The following GLMN variants were observed in gnomAD, a reference collection of about 807,000 sequenced individuals.
GLMN encodes the protein glomulin, FKBP associated protein.
In GLMN, 75 loss-of-function variants were observed where a neutral mutation model predicts 87.8. The observed-to-expected ratio is 0.85, with a 90% CI of 0.71 to 1.04. The LOEUF is 1.04. Among genes scored for constraint, GLMN ranks in the 50% least tolerant of loss-of-function variants. The pLI is 0.00. For missense variants in GLMN, 588 were observed against 658.8 expected, an observed-to-expected ratio of 0.89 and a Z score of 1.18; for synonymous variants, 206 against 221.6, an observed-to-expected ratio of 0.93 and a Z score of 0.63.
chr1:92,353,764 A>C, the GLMN span, among the ~76,000 whole-genome samples: 4 of 152,188 alleles, frequency 2.6e-5, no homozygotes, highest in African/African-American at 9.6e-5. Flanking sequence ...ATACGTTCCC[A>C]TACTTATTGC....
the GLMN span, among the ~76,000 whole-genome samples, chr1:92,350,623 A>C: frequency 2.6e-5 from 4 of 152,216 alleles, no homozygotes; most frequent in Non-Finnish European, 4.4e-5. Context: ...CTTTTAATAA[A>C]AATGTATATA....
At chr1:92,322,944 T>G in the GLMN span, among the ~76,000 whole-genome samples, 1 of 147,600 alleles carries the variant, frequency 6.8e-6, no homozygotes. Flanking sequence ...ACTTTATATA[T>G]TATATATAAT....
At chr1:92,344,041 C>T in the GLMN span, among the ~76,000 whole-genome samples, 1,090 of 152,232 alleles carry the variant, frequency 7.2e-3, 12 homozygotes, top group African/African-American at 0.025. Context: ...AGATGTGTAT[C>T]CTTCTAGTCT....
chr1:92,288,563 A>C (rs1649038163), intron 6 of GLMN, among the ~76,000 whole-genome samples: 1 of 152,018 alleles, frequency 6.6e-6, no homozygotes, highest in Non-Finnish European at 1.5e-5. Flanking sequence ...AAGCAGTAGC[A>C]CTACAGGTAT....
At chr1:92,303,095 A>T (rs909227001), upstream of GLMN, among the ~76,000 whole-genome samples, 4 of 152,152 alleles carry the variant, frequency 2.6e-5, no homozygotes, top group Non-Finnish European at 5.9e-5. Context: ...TTTGAATGGA[A>T]ATTTCTCTTT....
chr1:92,324,261 A>T, the GLMN span: 1 of 1,613,944 alleles, frequency 6.2e-7, no homozygotes, highest in East Asian at 2.2e-5. Flanking sequence ...AACCACTGCC[A>T]AGTTACGAGA....
chr1:92,290,208 T>C lies in GLMN; in HGVS notation c.384A>G (p.Pro128=), dbSNP rs1649243884. 2 of 1,581,330 alleles carry C rather than the reference T, an allele frequency of 1.3e-6. No individual in the cohort carries two copies. Among genetic ancestry groups the C allele is most frequent in the East Asian group, 2.2e-5 (1 of 44,630 alleles). The stretch of plus-strand genomic sequence containing the variant: ...CAAAATTCTCATTACCTGTTTGTAA[T>C]GGCTGAAGCAAAAGAAGAATACTTT... The part of the protein sequence containing the change: ...ISQSILLLLQ[P]LQTVIQKLHN... The change falls in exon 5 of 19, where the codon CCA becomes CCG. Residue 128 remains proline, a synonymous_variant. Coordinates refer to ENST00000370360, the MANE Select transcript of GLMN (RefSeq NM_053274.3).
the GLMN span, among the ~76,000 whole-genome samples, chr1:92,354,619 A>G: frequency 6.6e-6 from 1 of 152,230 alleles, no homozygotes; most frequent in South Asian, 2.1e-4. Context: ...TTAACAGGAC[A>G]TAAACCATCT....
intron 4 of GLMN, 75 bp from the exon 5 acceptor site, chr1:92,290,381 G>A: frequency 1.2e-6 from 1 of 850,028 alleles, no homozygotes; most frequent in Non-Finnish European, 2.0e-6. Context: ...TTTTTAAGAA[G>A]GCATGTATCG....
intron 7 of GLMN, among the ~76,000 whole-genome samples, chr1:92,278,715 A>G (rs990662980): frequency 6.6e-6 from 1 of 152,152 alleles, no homozygotes; most frequent in African/African-American, 2.4e-5. Flanking sequence ...CTCATTTTTT[A>G]TGACTTTACC....
At chr1:92,300,901 A>G (rs773413035), upstream of GLMN, among the ~76,000 whole-genome samples, 20 of 152,168 alleles carry the variant, frequency 1.3e-4, no homozygotes, top group Non-Finnish European at 2.5e-4. Context: ...ATAAATAATA[A>G]TAAATTAATT....
chr1:92,333,206 AAAG>A, the GLMN span: 30 of 547,828 alleles, frequency 5.5e-5, no homozygotes, highest in South Asian at 7.9e-4. Flanking sequence ...CAAATGACTC[AAAG>A]AAGTTCACAA....
chr1:92,370,465 C>CAA, the GLMN span, among the ~76,000 whole-genome samples: 2 of 152,086 alleles, frequency 1.3e-5, no homozygotes, highest in African/African-American at 4.8e-5. Context: ...ACCCCCCCAC[C>CAA]AAAAACACCC....
chr1:92,289,664 G>C (rs1339281493), intron 5 of GLMN, among the ~76,000 whole-genome samples: 1 of 152,138 alleles, frequency 6.6e-6, no homozygotes, highest in Non-Finnish European at 1.5e-5. Context: ...GATACTGTCT[G>C]CCTTGGTTGC....
At chr1:92,286,372 G>A in intron 7 of GLMN, 118 bp downstream of exon 7, 1 of 546,920 alleles carries the variant, frequency 1.8e-6, no homozygotes, top group Non-Finnish European at 3.3e-6. Flanking sequence ...TTGTTTATGT[G>A]TGTTCTACAA....
chr1:92,337,531 A>T, the GLMN span, among the ~76,000 whole-genome samples: 1 of 152,130 alleles, frequency 6.6e-6, no homozygotes, highest in Admixed American at 6.5e-5. Flanking sequence ...TGAAAAGGAT[A>T]ATTTGTAATA....
At chr1:92,300,586 T>C (rs139093592), upstream of GLMN, among the ~76,000 whole-genome samples, 58 of 152,356 alleles carry the variant, frequency 3.8e-4, no homozygotes, top group African/African-American at 1.3e-3. Flanking sequence ...TTCTGTTCTT[T>C]GTTACATCAA....
At chr1:92,363,122 A>G in the GLMN span, among the ~76,000 whole-genome samples, 1 of 152,340 alleles carries the variant, frequency 6.6e-6, no homozygotes, top group South Asian at 2.1e-4. Context: ...GAAGGAGTCT[A>G]TGAACCCCTG....
At chr1:92,250,438 C>T (rs1402960661) in intron 16 of GLMN, among the ~76,000 whole-genome samples, 1 of 152,066 alleles carries the variant, frequency 6.6e-6, no homozygotes, top group African/African-American at 2.4e-5. Context: ...CATAAGCATT[C>T]CATTATATGG....
Sources: allele counts gnomAD v4.1 joint callset (sites outside exome capture counted in the v4.1 genomes callset), GRCh38; gene constraint gnomAD v4.1.1; transcripts MANE v1.5; gene names NCBI Gene and HGNC (gene_info 2026-07-23, HGNC 2026-07-21).